Variants in PTPRM observed in about 807,000 individuals in gnomAD.
The protein encoded by PTPRM is receptor-type tyrosine-protein phosphatase mu.
Under a neutral mutation model 186.7 loss-of-function variants are expected in PTPRM, and 47 were observed. That is an observed-to-expected ratio of 0.25 (90% confidence interval 0.20 to 0.32). The LOEUF (loss-of-function observed/expected upper bound fraction) is 0.32. PTPRM is among the 10% of genes least tolerant of loss of function. PTPRM has a pLI of 1.00. For synonymous variants in PTPRM, 668 were observed against 674.9 expected, an observed-to-expected ratio of 0.99 and a Z score of 0.16; for missense variants, 1,494 against 1,865.0, an observed-to-expected ratio of 0.80 and a Z score of 3.66.
intron 31 of PTPRM, among the ~76,000 whole-genome samples, chr18:8,391,417 A>G (rs1352566978): frequency 6.6e-6 from 1 of 152,242 alleles, no homozygotes; most frequent in Non-Finnish European, 1.5e-5. Flanking sequence ...GCAATATAAA[A>G]CAATAAACTA....
intron 20 of PTPRM, among the ~76,000 whole-genome samples, chr18:8,305,206 T>C (rs1386198618): frequency 1.3e-5 from 2 of 152,210 alleles, no homozygotes; most frequent in Non-Finnish European, 2.9e-5. Flanking sequence ...TTCAGTCTCC[T>C]GTTTATATCA....
intron 7 of PTPRM, among the ~76,000 whole-genome samples, chr18:7,984,906 C>CAT (rs1568130519): frequency 2.6e-5 from 3 of 116,946 alleles, no homozygotes; most frequent in African/African-American, 1.0e-4. Flanking sequence ...TAAATATATA[C>CAT]ATATAATTAT....
intron 1 of PTPRM, among the ~76,000 whole-genome samples, chr18:7,578,135 GATGATGATGATGATT>G (rs1285712736): frequency 2.0e-5 from 3 of 151,728 alleles, no homozygotes; most frequent in Non-Finnish European, 4.4e-5. Context: ...TACCCTGCAG[GATGATGATGATGATT>G]ATGATGATGA....
chr18:8,256,840 C>A (rs186119556), intron 19 of PTPRM, among the ~76,000 whole-genome samples: 1 of 152,296 alleles, frequency 6.6e-6, no homozygotes, highest in East Asian at 1.9e-4. Context: ...ATTTCCATAT[C>A]TAAGTTGGAG....
At chr18:7,932,325 T>A (rs933914853) in intron 5 of PTPRM, among the ~76,000 whole-genome samples, 1 of 152,190 alleles carries the variant, frequency 6.6e-6, no homozygotes, top group Non-Finnish European at 1.5e-5. Context: ...TCTTACTTTT[T>A]AAAATTACAC....
chr18:7,974,385 G>T (rs1041734513), intron 7 of PTPRM, among the ~76,000 whole-genome samples: 2 of 152,146 alleles, frequency 1.3e-5, no homozygotes, highest in African/African-American at 4.8e-5. Flanking sequence ...TTTACATGAA[G>T]CAAAGCTTAC....
At chr18:8,261,760 G>A (rs1032250544) in intron 19 of PTPRM, among the ~76,000 whole-genome samples, 5 of 152,138 alleles carry the variant, frequency 3.3e-5, no homozygotes, top group East Asian at 1.9e-4. Context: ...CCATGCTCCC[G>A]CTGATGATAA....
intron 14 of PTPRM, among the ~76,000 whole-genome samples, chr18:8,153,357 A>AGTC (rs1410399647): frequency 3.3e-5 from 5 of 152,208 alleles, no homozygotes; most frequent in African/African-American, 1.2e-4. Context: ...TCTCTCTGGT[A>AGTC]GTCGTTGAGG....
chr18:8,148,380 G>A (rs894657124), intron 14 of PTPRM, among the ~76,000 whole-genome samples: 5 of 151,760 alleles, frequency 3.3e-5, no homozygotes, highest in African/African-American at 1.2e-4. Flanking sequence ...GACTTGGGAG[G>A]GTGTATGTGT....
At chr18:7,593,597 A>C (rs1319919964) in intron 1 of PTPRM, among the ~76,000 whole-genome samples, 1 of 152,194 alleles carries the variant, frequency 6.6e-6, no homozygotes, top group Non-Finnish European at 1.5e-5. Context: ...CTCTCCATTA[A>C]TGTCAAATTG....
At chr18:8,081,081 T>A (rs2090101469) in intron 9 of PTPRM, among the ~76,000 whole-genome samples, 1 of 152,224 alleles carries the variant, frequency 6.6e-6, no homozygotes, top group Non-Finnish European at 1.5e-5. Context: ...CTGGCTGGAA[T>A]TACCATCAAC....
At chr18:8,023,416 A>G (rs1284485913) in intron 7 of PTPRM, among the ~76,000 whole-genome samples, 1 of 152,172 alleles carries the variant, frequency 6.6e-6, no homozygotes, top group Non-Finnish European at 1.5e-5. Flanking sequence ...ATTGGTTTCA[A>G]AAAAAGACCA....
At chr18:8,258,943 T>G (rs1450489780) in intron 19 of PTPRM, among the ~76,000 whole-genome samples, 1 of 152,156 alleles carries the variant, frequency 6.6e-6, no homozygotes, top group Non-Finnish European at 1.5e-5. Flanking sequence ...CCACGTACTT[T>G]TTTTGTTTTT....
intron 19 of PTPRM, among the ~76,000 whole-genome samples, chr18:8,289,541 T>TATATATATAC (rs2095008634): frequency 2.5e-5 from 2 of 81,230 alleles, no homozygotes; most frequent in African/African-American, 1.3e-4. Context: ...TATACACATA[T>TATATATATAC]ATATATATAC....
chr18:7,893,605 C>T (rs2049190169), intron 3 of PTPRM, among the ~76,000 whole-genome samples: 1 of 152,168 alleles, frequency 6.6e-6, no homozygotes, highest in African/African-American at 2.4e-5. Flanking sequence ...GAGTATAGAT[C>T]TACTGAAAAC....
chr18:7,792,412 T>C (rs755160693), intron 2 of PTPRM, among the ~76,000 whole-genome samples: 3 of 152,148 alleles, frequency 2.0e-5, no homozygotes, highest in Non-Finnish European at 4.4e-5. Flanking sequence ...TTCTGATCTC[T>C]TCCCTTATGT....
chr18:7,740,039 A>C (rs2040856358), intron 1 of PTPRM, among the ~76,000 whole-genome samples: 1 of 152,236 alleles, frequency 6.6e-6, no homozygotes, highest in African/African-American at 2.4e-5. Flanking sequence ...TAAGTAAAAA[A>C]TATAGTTCCT....
chr18:8,319,188 G>A lies in PTPRM; in HGVS notation c.2930G>A (p.Arg977Gln), dbSNP rs182968102. The A allele has an allele frequency of 1.2e-5, 19 of 1,553,190 alleles. No homozygotes were observed. The African/African-American group carries it at 1.5e-4, about 12-fold the overall frequency. Residue 977 changes from arginine to glutamine, a missense_variant, in exon 22 of 33, where the codon CGA (arginine) becomes CAA (glutamine). Physicochemically the swap from Arg to Gln is conservative, Grantham distance 43. Transcript: ENST00000580170. ...TTTATTTATTTTTAGGGTTATCATC[G>A]ACCCAATCATTACATTGCTACCCAA... is the stretch of plus-strand genomic sequence containing the variant. The part of the protein sequence containing the change: ...INGNYIDGYH[R>Q]PNHYIATQGP...
At chr18:8,135,887 A>G (rs981753277) in intron 13 of PTPRM, among the ~76,000 whole-genome samples, 1 of 152,198 alleles carries the variant, frequency 6.6e-6, no homozygotes, top group Non-Finnish European at 1.5e-5. Flanking sequence ...TAGACTAGGT[A>G]TACTTACTTT....
Sources: allele counts gnomAD v4.1 joint callset (sites outside exome capture counted in the v4.1 genomes callset), GRCh38; gene constraint gnomAD v4.1.1; transcripts MANE v1.5; gene names NCBI Gene and HGNC (gene_info 2026-07-23, HGNC 2026-07-21).